The following PDZRN3 variants were observed in gnomAD, a reference collection of about 807,000 sequenced individuals.
PDZRN3 encodes PDZ domain containing ring finger 3, also known as E3 ubiquitin-protein ligase PDZRN3.
Under a neutral mutation model 85.7 loss-of-function variants are expected in PDZRN3, and 38 were observed. That is an observed-to-expected ratio of 0.44 (90% CI 0.34 to 0.58). The LOEUF is 0.58. Among genes scored for constraint, PDZRN3 ranks in the 20% least tolerant of loss-of-function variants. PDZRN3 has a pLI of 0.01. For synonymous variants in PDZRN3, 759 were observed against 638.0 expected, an observed-to-expected ratio of 1.19 and a Z score of -2.86; for missense variants, 1,629 against 1,506.4, an observed-to-expected ratio of 1.08 and a Z score of -1.35.
intron 3 of PDZRN3, among the ~76,000 whole-genome samples, chr3:73,411,401 G>A (rs1418823635): frequency 6.6e-6 from 1 of 152,206 alleles, no homozygotes; most frequent in African/African-American, 2.4e-5. Context: ...TTCTCTGTCT[G>A]TCTCTGTTTT....
At chr3:73,470,873 A>T (rs768647500) in intron 3 of PDZRN3, among the ~76,000 whole-genome samples, 278 of 152,304 alleles carry the variant, frequency 1.8e-3, no homozygotes, top group Non-Finnish European at 2.2e-3. Flanking sequence ...CAGAAAATTA[A>T]CCTTCAATGA....
intron 3 of PDZRN3, among the ~76,000 whole-genome samples, chr3:73,425,015 G>A (rs2054858): frequency 0.11 from 13,951 of 132,686 alleles, 890 homozygotes; most frequent in African/African-American, 0.2. Flanking sequence ...TCATCCATCA[G>A]TATTTTTTTT....
intron 3 of PDZRN3, among the ~76,000 whole-genome samples, chr3:73,432,110 A>G (rs1272836003): frequency 6.6e-6 from 1 of 152,228 alleles, no homozygotes; most frequent in Non-Finnish European, 1.5e-5. Context: ...TATAGCGTCA[A>G]AAGTCTGTAA....
chr3:73,571,477 G>C (rs913578810), intron 3 of PDZRN3, among the ~76,000 whole-genome samples: 1 of 152,226 alleles, frequency 6.6e-6, no homozygotes, highest in African/African-American at 2.4e-5. Flanking sequence ...CACATTCGCA[G>C]CAAATGCCTT....
chr3:73,594,706 T>C (rs57289043), intron 3 of PDZRN3, among the ~76,000 whole-genome samples: 5 of 49,468 alleles, frequency 1.0e-4, no homozygotes, highest in South Asian at 9.4e-4. Flanking sequence ...AGAGAAGTCT[T>C]ACCTGTGTTA....
intron 3 of PDZRN3, among the ~76,000 whole-genome samples, chr3:73,489,658 C>T (rs769927627): frequency 2.8e-5 from 4 of 141,920 alleles, no homozygotes; most frequent in Non-Finnish European, 4.5e-5. Context: ...CTGCAACCTC[C>T]GCCTCTTCGG....
intron 3 of PDZRN3, among the ~76,000 whole-genome samples, chr3:73,422,623 T>G (rs959492824): frequency 1.3e-5 from 2 of 152,022 alleles, no homozygotes; most frequent in Non-Finnish European, 2.9e-5. Context: ...TGGAGTAGAG[T>G]TGGTTCTGAG....
Position 73,384,016 on chromosome 3 carries a change from C to A in PDZRN3, c.2550G>T (p.Thr850=). 6.3e-7 allele frequency: 1 copy of A among 1,589,700 alleles called. No homozygotes were observed. Among genetic ancestry groups the A allele is most frequent in the South Asian group, 1.1e-5 (1 of 87,066 alleles). Residue 850 remains threonine, a synonymous_variant, in exon 10 of 10, where the codon ACG becomes ACT. Transcript: ENST00000263666. ...RRASDGSRSP[T]PSQKLGSAYL... ...AGGCGCTGCCCAGCTTCTGGCTGGG[C>A]GTGGGGCTCCGGCTCCCGTCGCTGG... is the stretch of plus-strand genomic sequence containing the variant.
chr3:73,475,732 A>G (rs1359335922), intron 3 of PDZRN3, among the ~76,000 whole-genome samples: 1 of 152,224 alleles, frequency 6.6e-6, no homozygotes, highest in Admixed American at 6.5e-5. Context: ...ATATACTTTT[A>G]GAACTGACTG....
At chr3:73,583,862 G>A (rs1007455952) in intron 3 of PDZRN3, among the ~76,000 whole-genome samples, 17 of 152,078 alleles carry the variant, frequency 1.1e-4, no homozygotes, top group Non-Finnish European at 1.8e-4. Context: ...CTAACATCAA[G>A]CAAAAATGGC....
At chr3:73,535,019 A>G (rs1704743922) in intron 3 of PDZRN3, among the ~76,000 whole-genome samples, 1 of 151,036 alleles carries the variant, frequency 6.6e-6, no homozygotes, top group South Asian at 2.1e-4. Flanking sequence ...TGTTAATGCA[A>G]TGTGCCTTGT....
rs750833303 is a variant in PDZRN3 at position 73,430,068 on chromosome 3, AC to A, written c.919-25674del. Among the ~76,000 whole-genome samples, 4 of 152,264 alleles carry A rather than the reference AC, an allele frequency of 2.6e-5. No homozygotes were observed. The East Asian group carries it at 7.7e-4, about 29-fold the overall frequency. Reference sequence around the variant, plus strand: ...TTGACAATGCTGGAAAATGATTTATACAAGAAAAGAATTCACAGATGTGGGA... The same window carrying A: ...TTGACAATGCTGGAAAATGATTTATAAAGAAAAGAATTCACAGATGTGGGA... On this transcript the variant is annotated intron_variant, in intron 3 of 9. Coordinates refer to ENST00000263666, the MANE Select transcript of PDZRN3 (RefSeq NM_015009.3).
At chr3:73,398,840 G>A (rs1323632085) in intron 5 of PDZRN3, among the ~76,000 whole-genome samples, 2 of 152,152 alleles carry the variant, frequency 1.3e-5, no homozygotes, top group African/African-American at 4.8e-5. Flanking sequence ...TTAAGGCAAT[G>A]GATGCTGACT....
chr3:73,387,851 C>T (rs1701429747), intron 8 of PDZRN3, 117 bp downstream of exon 8: 1 of 611,372 alleles, frequency 1.6e-6, no homozygotes, highest in Non-Finnish European at 2.9e-6. Flanking sequence ...GATTACATTT[C>T]CAGGGAACAA....
intron 3 of PDZRN3, among the ~76,000 whole-genome samples, chr3:73,420,457 T>G (rs2106773746): frequency 6.6e-6 from 1 of 152,372 alleles, no homozygotes; most frequent in African/African-American, 2.4e-5. Flanking sequence ...GAACAAATAC[T>G]GAATCTGAGA....
chr3:73,509,733 G>A (rs1704130557), intron 3 of PDZRN3, among the ~76,000 whole-genome samples: 1 of 152,224 alleles, frequency 6.6e-6, no homozygotes, highest in Admixed American at 6.5e-5. Context: ...ACTCCTAGCA[G>A]TAACTTTCAA....
chr3:73,595,485 T>G (rs1446631809), intron 3 of PDZRN3, among the ~76,000 whole-genome samples: 4 of 152,116 alleles, frequency 2.6e-5, no homozygotes, highest in Non-Finnish European at 5.9e-5. Flanking sequence ...TTTAGCAAAA[T>G]AAGTTTCCTG....
In PDZRN3 at chr3:73,601,455, G is replaced by A. The variant is rs536207809; in HGVS notation, c.918+899C>T. On this transcript the variant is annotated intron_variant, in intron 3 of 9. Coordinates refer to ENST00000263666, the MANE Select transcript of PDZRN3 (RefSeq NM_015009.3). ...CACTATATTACGGCTGTGGCCCATG[G>A]GTGAATTTCTTGTGGGGTCTGGCAT... 3.3e-5 allele frequency among the ~76,000 whole-genome samples: 5 copies of A among 152,278 alleles called. No individual in the cohort carries two copies. In the South Asian group the frequency reaches 1.0e-3, roughly 32 times the overall value.
In PDZRN3 at chr3:73,387,983, T is replaced by C; in HGVS notation, c.1503A>G (p.Ala501=). The part of the protein sequence containing the change: ...EENKNFSLLI[A]RPELQLDEGW... ...GCCAATTTACCTGGAGTTCAGGCCT[T>C]GCAATCAGCAATGAAAAGTTTTTAT... The change falls in exon 8 of 10, where the codon GCA becomes GCG. Residue 501 remains alanine (A), a synonymous_variant. Transcript: ENST00000263666. The C allele has an allele frequency of 6.4e-7, 1 of 1,566,624 alleles. No homozygotes were observed. The highest frequency in any genetic ancestry group is 8.7e-7 in the Non-Finnish European group (1 of 1,142,910).
Sources: allele counts gnomAD v4.1 joint callset (sites outside exome capture counted in the v4.1 genomes callset), GRCh38; gene constraint gnomAD v4.1.1; transcripts MANE v1.5; gene names NCBI Gene and HGNC (gene_info 2026-07-23, HGNC 2026-07-21).